The following GPR174 variants were observed in gnomAD, a reference collection of about 807,000 sequenced individuals.
GPR174 encodes the protein G protein-coupled receptor 174, also known as probable G protein-coupled receptor 174.
A neutral mutation model predicts 16.5 loss-of-function variants in GPR174; 8 were observed. The observed-to-expected ratio is 0.48, with a 90% CI of 0.28 to 0.87. The LOEUF is 0.87. Ranked by LOEUF, GPR174 falls within the 40% of genes least tolerant of loss-of-function variation. GPR174 has a pLI of 0.09. For missense variants in GPR174, 214 were observed against 247.5 expected (o/e 0.86, Z 0.91); for synonymous variants, 111 against 94.8 (o/e 1.17, Z -0.99).
intron 1 of GPR174, among the ~76,000 whole-genome samples, chrX:79,147,990 A>C (rs1926534531): frequency 8.9e-6 from 1 of 112,301 alleles, no homozygotes; most frequent in South Asian, 3.7e-4. Flanking sequence ...CCAGAGATCA[A>C]GATGCAGACA....
chrX:79,164,587 A>G lies in GPR174; in HGVS notation c.-556-5865A>G, dbSNP rs993656374. On this transcript the variant is annotated intron_variant, in intron 2 of 2. Coordinates refer to ENST00000645147, the MANE Select transcript of GPR174 (RefSeq NM_032553.3). ...TAGGCCCACAATACTGGTTCTTTGC[A>G]TGTCGTTACTGCTCAATGACCATGG... 3.6e-5 allele frequency among the ~76,000 whole-genome samples: 4 copies of G among 111,884 alleles called. No homozygotes were observed. The Admixed American group carries it at 3.8e-4, about 11-fold the overall frequency.
intron 1 of GPR174, among the ~76,000 whole-genome samples, chrX:79,145,706 C>T (rs1473408827): frequency 9.0e-6 from 1 of 111,714 alleles, no homozygotes; most frequent in African/African-American, 3.3e-5. Flanking sequence ...TACAATATTT[C>T]AGGACCTTAG....
rs771075451 is a variant in GPR174 at position 79,146,677 on chromosome X, G to A, written c.-654+1460G>A. On this transcript the variant is annotated intron_variant, in intron 1 of 2. Transcript: ENST00000645147. Reference sequence around the variant, plus strand: ...CACCTAGTGTACTTATTTTGTTGGGGCCAGATTAATACGATGCTGAATAAT... The same window carrying A: ...CACCTAGTGTACTTATTTTGTTGGGACCAGATTAATACGATGCTGAATAAT... Among the ~76,000 whole-genome samples the A allele has an allele frequency of 5.4e-5, 6 of 111,963 alleles. No individual in the cohort carries two copies. In the South Asian group the frequency reaches 2.3e-3, roughly 42 times the overall value.
chrX:79,171,158 A>G lies in GPR174; in HGVS notation c.151A>G (p.Thr51Ala). Residue 51 changes from threonine to alanine, a missense_variant, in exon 3 of 3, where the codon ACA becomes GCA. Thr to Ala is a moderately conservative substitution (Grantham distance 58). Coordinates refer to ENST00000645147, the MANE Select transcript of GPR174 (RefSeq NM_032553.3). ...GGTATTCTATGGTTATATGAAAGAA[A>G]CAAAACGAGCTGTGATATTTATGAT... ...LWVFYGYMKE[T>A]KRAVIFMINL... 1 of 1,206,803 alleles carries G rather than the reference A, an allele frequency of 8.3e-7. No individual in the cohort carries two copies. The highest frequency in any genetic ancestry group is 1.1e-6 in the Non-Finnish European group (1 of 892,400).
intron 1 of GPR174, among the ~76,000 whole-genome samples, chrX:79,154,403 A>C (rs1349747116): frequency 8.9e-6 from 1 of 111,813 alleles, no homozygotes; most frequent in East Asian, 2.8e-4. Context: ...TTTAAGCATA[A>C]AAGTAGAAAC....
chrX:79,166,080 A>T lies in GPR174; in HGVS notation c.-556-4372A>T, dbSNP rs902759073. On this transcript the variant is annotated intron_variant, in intron 2 of 2. Transcript: ENST00000645147. ...TTGTGATCTTCTCATCACTTCTACT[A>T]AGTGGAAATATTTGAAATTTAATGT... Among the ~76,000 whole-genome samples, 4 of 110,990 alleles carry T rather than the reference A, an allele frequency of 3.6e-5. No individual in the cohort carries two copies. In the Admixed American group the frequency reaches 3.8e-4, roughly 11 times the overall value.
chrX:79,149,041 A>G (rs781399545), intron 1 of GPR174, among the ~76,000 whole-genome samples: 1 of 112,019 alleles, frequency 8.9e-6, no homozygotes, highest in Admixed American at 9.5e-5. Context: ...CTGATTTATT[A>G]TTTCTCACAT....
chrX:79,154,189 T>A (rs1277009274), intron 1 of GPR174, among the ~76,000 whole-genome samples: 1 of 110,797 alleles, frequency 9.0e-6, no homozygotes, highest in East Asian at 2.8e-4. Context: ...TATGAGGAAT[T>A]CAAGCTGACT....
Position 79,171,252 on chromosome X carries a change from A to G in GPR174, c.245A>G (p.His82Arg), listed in dbSNP as rs774298925. ...CTGAGGATCTTCTACTACTTGAATC[A>G]TGACTGGCCATTTGGGCCTGGTCTC... ...LPLRIFYYLN[H>R]DWPFGPGLCM... is the part of the protein sequence containing the mutation. Residue 82 changes from histidine to arginine, a missense_variant, in exon 3 of 3, where the codon CAT becomes CGT. Coordinates refer to ENST00000645147, the MANE Select transcript of GPR174 (RefSeq NM_032553.3). The G allele has an allele frequency of 8.3e-7, 1 of 1,211,304 alleles. No individual in the cohort carries two copies. Among genetic ancestry groups the G allele is most frequent in the Non-Finnish European group, 1.1e-6 (1 of 895,207 alleles).
intron 2 of GPR174, among the ~76,000 whole-genome samples, chrX:79,162,756 G>A (rs767224946): frequency 3.6e-4 from 40 of 111,945 alleles, no homozygotes; most frequent in Middle Eastern, 9.3e-3. Flanking sequence ...TAGTGGTTGT[G>A]TAGACAACTA....
At chrX:79,164,333 T>C (rs1378595980) in intron 2 of GPR174, among the ~76,000 whole-genome samples, 1 of 111,862 alleles carries the variant, frequency 8.9e-6, no homozygotes, top group African/African-American at 3.3e-5. Context: ...ATGTAGGAGA[T>C]GCATTAGAAA....
intron 2 of GPR174, among the ~76,000 whole-genome samples, chrX:79,164,952 T>C (rs1386358487): frequency 9.0e-6 from 1 of 111,680 alleles, no homozygotes; most frequent in Non-Finnish European, 1.9e-5. Context: ...GAGACACCTG[T>C]ATTTTAAATT....
Position 79,172,158 on chromosome X carries a change from A to T in GPR174, c.*149A>T. ...TATGGGGAATTCACTTCTTCAAAGC[A>T]GGACCTATTTGGAGCATTACGATCC... On this transcript the variant is annotated 3_prime_UTR_variant, in exon 3 of 3. Coordinates refer to ENST00000645147, the MANE Select transcript of GPR174 (RefSeq NM_032553.3). 1 of 545,024 alleles carries T rather than the reference A, an allele frequency of 1.8e-6. No individual in the cohort carries two copies. The highest frequency in any genetic ancestry group is 4.0e-5 in the South Asian group (1 of 24,831). 44.9% of individuals were successfully genotyped at this position (545,024 alleles called of 1,213,427 possible).
chrX:79,166,457 T>C (rs12845988), intron 2 of GPR174, among the ~76,000 whole-genome samples: 1 of 90,934 alleles, frequency 1.1e-5, no homozygotes, highest in Non-Finnish European at 2.2e-5. Flanking sequence ...TTTTTTTTTT[T>C]TGAGACGCGT....
At chrX:79,164,936 A>C (rs1921321585) in intron 2 of GPR174, among the ~76,000 whole-genome samples, 1 of 111,496 alleles carries the variant, frequency 9.0e-6, no homozygotes, top group South Asian at 3.7e-4. Context: ...TTTAAAATGC[A>C]AGAATGAGAC....
intron 1 of GPR174, among the ~76,000 whole-genome samples, chrX:79,149,821 G>GTT (rs34575264): frequency 0.47 from 38,271 of 81,909 alleles, 8,310 homozygotes; most frequent in Non-Finnish European, 0.57. Flanking sequence ...ACCTCCCTCA[G>GTT]TTTTTTTTTT....
rs1926466740 is a variant in GPR174 at position 79,145,010 on chromosome X, CTTTCTT to C, written c.-859_-854del. 11 of 15,693 alleles carry C rather than the reference CTTTCTT, an allele frequency of 7.0e-4. No homozygotes were observed. Among genetic ancestry groups the C allele is most frequent in the Admixed American group, 5.2e-3 (6 of 1,151 alleles). 1.3% of individuals were successfully genotyped at this position (15,693 alleles called of 1,213,427 possible). On this transcript the variant is annotated 5_prime_UTR_variant, in exon 1 of 3. Transcript: ENST00000645147. ...TCTTTCTTTCTCTCTCTCTCTCTTT[CTTTCTT>C]TCTTTCTTTCTTTCTTTCTTTCTTT...
chrX:79,172,124 T>C lies in GPR174; in HGVS notation c.*115T>C, dbSNP rs1192694601. The C allele has an allele frequency of 1.1e-5, 8 of 740,672 alleles. No individual in the cohort carries two copies. The highest frequency in any genetic ancestry group is 1.2e-5 in the Non-Finnish European group (6 of 513,564). 61.0% of individuals were successfully genotyped at this position (740,672 alleles called of 1,213,427 possible). Reference sequence around the variant, plus strand: ...AACACAGCTTTTCAGTTCTGCTCTATCTTACTGCTATGGGGAATTCACTTC... The same window carrying C: ...AACACAGCTTTTCAGTTCTGCTCTACCTTACTGCTATGGGGAATTCACTTC... On this transcript the variant is annotated 3_prime_UTR_variant, in exon 3 of 3. Transcript: ENST00000645147.
intron 2 of GPR174, among the ~76,000 whole-genome samples, chrX:79,165,633 G>C (rs1170138661): frequency 9.0e-6 from 1 of 111,538 alleles, no homozygotes; most frequent in Non-Finnish European, 1.9e-5. Context: ...ACACCATATA[G>C]AGTAGCCACC....
Sources: allele counts gnomAD v4.1 joint callset (sites outside exome capture counted in the v4.1 genomes callset), GRCh38; gene constraint gnomAD v4.1.1; transcripts MANE v1.5; gene names NCBI Gene and HGNC (gene_info 2026-07-23, HGNC 2026-07-21).